POLR2G: variants seen among roughly 807,000 people sequenced by gnomAD.
POLR2G encodes the protein RNA polymerase II subunit G, also known as DNA-directed RNA polymerase II subunit RPB7.
A neutral mutation model predicts 25.7 loss-of-function variants in POLR2G; 19 were observed. The observed-to-expected ratio is 0.74, with a 90% CI of 0.52 to 1.08. POLR2G has a LOEUF of 1.08. Ranked by LOEUF, POLR2G falls within the 50% of genes least tolerant of loss-of-function variation. The pLI is 0.00. For missense variants in POLR2G, 123 were observed against 218.5 expected, an observed-to-expected ratio of 0.56 and a Z score of 2.76; for synonymous variants, 79 against 76.0, an observed-to-expected ratio of 1.04 and a Z score of -0.21.
At chr11:62,763,528 T>G (rs1003131757) in intron 3 of POLR2G, among the ~76,000 whole-genome samples, 8 of 150,222 alleles carry the variant, frequency 5.3e-5, no homozygotes, top group African/African-American at 2.0e-4. Context: ...TCTCCTGACC[T>G]CGTGATCCAC....
intron 2 of POLR2G, chr11:62,762,265 C>CT (rs2134854750): frequency 3.5e-6 from 1 of 283,672 alleles, no homozygotes; most frequent in African/African-American, 2.1e-5. Flanking sequence ...TGCTCTCCCT[C>CT]TGTCATTCTG....
In POLR2G at chr11:62,762,854, A is replaced by G; in HGVS notation, c.123-13A>G. On this transcript the variant is annotated splice_polypyrimidine_tract_variant and intron_variant, in intron 2 of 7. Coordinates refer to ENST00000301788, the MANE Select transcript of POLR2G (RefSeq NM_002696.3). Reference sequence around the variant, plus strand: ...GACACACAGTGTCTTCCTGTTTCTCATCCTCCTTGCAGGTATGGCTTTGTA... The same window carrying G: ...GACACACAGTGTCTTCCTGTTTCTCGTCCTCCTTGCAGGTATGGCTTTGTA... 1 of 1,566,300 alleles carries G rather than the reference A, an allele frequency of 6.4e-7. No homozygotes were observed. Among genetic ancestry groups the G allele is most frequent in the Non-Finnish European group, 8.7e-7 (1 of 1,149,232 alleles).
At position 62,763,026 on chromosome 11, in the gene POLR2G, G is replaced by A. The variant is rs1185701112; in HGVS notation, c.282G>A (p.Lys94=). 3.8e-6 allele frequency: 6 copies of A among 1,589,130 alleles called. No individual in the cohort carries two copies. The highest frequency in any genetic ancestry group is 5.2e-6 in the Non-Finnish European group (6 of 1,162,752). The change falls in exon 3 of 8, where the codon AAG becomes AAA. Residue 94 remains lysine, a splice_region_variant and synonymous_variant. Coordinates refer to ENST00000301788, the MANE Select transcript of POLR2G (RefSeq NM_002696.3). ...ATGCTGTTGTCACTCAGGTCAACAA[G>A]GTGAGACCATACATAGGGGAGGCAG... is the stretch of plus-strand genomic sequence containing the variant. The part of the protein sequence containing the change: ...VVDAVVTQVN[K]VGLFTEIGPM...
intron 2 of POLR2G, chr11:62,762,652 T>C: frequency 1.6e-6 from 1 of 629,630 alleles, no homozygotes; most frequent in Non-Finnish European, 3.0e-6. Flanking sequence ...TCTTGGACAT[T>C]TATTGTGAAA....
At chr11:62,764,181 C>T (rs900584805) in intron 3 of POLR2G, among the ~76,000 whole-genome samples, 1 of 152,020 alleles carries the variant, frequency 6.6e-6, no homozygotes, top group Admixed American at 6.6e-5. Context: ...AAAGCTTAGG[C>T]TGGGCGCGGT....
intron 4 of POLR2G, 48 bp from the exon 5 acceptor site, chr11:62,765,292 T>C (rs779359926): frequency 3.7e-6 from 6 of 1,604,608 alleles, no homozygotes; most frequent in Non-Finnish European, 4.3e-6. Context: ...TCACCATCTA[T>C]TGAAGCATCC....
chr11:62,765,869 G>A (rs1211750591), intron 6 of POLR2G, 145 bp downstream of exon 6: 1 of 614,656 alleles, frequency 1.6e-6, no homozygotes, highest in Non-Finnish European at 2.9e-6. Flanking sequence ...CTCACTGCAA[G>A]CTCTGCCTCC....
At chr11:62,765,482 C>A in intron 5 of POLR2G, 77 bp downstream of exon 5, 1 of 1,266,548 alleles carries the variant, frequency 7.9e-7, no homozygotes, top group Non-Finnish European at 1.2e-6. Flanking sequence ...CTGGGGATGG[C>A]TGAGTACAGA....
chr11:62,762,768 T>C, intron 2 of POLR2G, 99 bp from the exon 3 acceptor site: 2 of 920,522 alleles, frequency 2.2e-6, no homozygotes, highest in East Asian at 2.4e-5. Context: ...CCTTTTGCTC[T>C]CCCCGACCCT....
chr11:62,761,717 G>T, intron 1 of POLR2G, 57 bp downstream of exon 1: 2 of 1,609,280 alleles, frequency 1.2e-6, no homozygotes, highest in South Asian at 1.1e-5. Flanking sequence ...GCAAGGCCAG[G>T]CGCCGGCGCG....
chr11:62,762,629 A>G (rs1026093025), intron 2 of POLR2G: 1 of 608,758 alleles, frequency 1.6e-6, no homozygotes, highest in Non-Finnish European at 3.1e-6. Flanking sequence ...TGTTGCCTCA[A>G]GGACTCCAGC....
At chr11:62,765,316 A>G (rs1268186745) in intron 4 of POLR2G, 24 bp from the exon 5 acceptor site, 1 of 1,607,704 alleles carries the variant, frequency 6.2e-7, no homozygotes, top group African/African-American at 1.3e-5. Flanking sequence ...TAAAGTGCTA[A>G]CCTAGATCTC....
At chr11:62,762,807 C>T in intron 2 of POLR2G, 60 bp from the exon 3 acceptor site, 1 of 1,403,596 alleles carries the variant, frequency 7.1e-7, no homozygotes. Context: ...ACTTTTATTG[C>T]AGATGTCTTT....
intron 2 of POLR2G, chr11:62,762,524 C>T (rs1470542557): frequency 4.6e-6 from 2 of 435,766 alleles, no homozygotes; most frequent in Non-Finnish European, 9.5e-6. Flanking sequence ...GATTCCTGAG[C>T]CTCCTTATTC....
chr11:62,762,284 C>G (rs1388591413), intron 2 of POLR2G: 1 of 273,132 alleles, frequency 3.7e-6, no homozygotes, highest in Non-Finnish European at 7.4e-6. Context: ...TGCTGGTTTT[C>G]TCTTATCCCC....
At chr11:62,762,083 A>G (rs570066630) in intron 2 of POLR2G, 179 bp downstream of exon 2, 7 of 596,580 alleles carry the variant, frequency 1.2e-5, no homozygotes, top group South Asian at 1.2e-4. Flanking sequence ...ATGCTGGACA[A>G]TAAGACTTCC....
At chr11:62,766,332 G>A in intron 7 of POLR2G, 56 bp downstream of exon 7, 1 of 1,556,180 alleles carries the variant, frequency 6.4e-7, no homozygotes, top group Non-Finnish European at 8.9e-7. Flanking sequence ...ATGTGTGGGG[G>A]TGGGGAGTAA....
Position 62,765,008 on chromosome 11 carries a change from G to A in POLR2G, c.283-174G>A, listed in dbSNP as rs536484300. Among the ~76,000 whole-genome samples the A allele has an allele frequency of 3.6e-3, 548 of 152,112 alleles. 2 individuals are homozygous for A. Among genetic ancestry groups the A allele is most frequent in the Non-Finnish European group, 5.9e-3 (399 of 67,990 alleles). ...TGAGTAGCTGGGATTAGAGGTGCAC[G>A]CCACCATGCCCGGCTAATTTTTGTA... On this transcript the variant is annotated intron_variant, in intron 3 of 7. Coordinates refer to ENST00000301788, the MANE Select transcript of POLR2G (RefSeq NM_002696.3).
At position 62,766,583 on chromosome 11, in the gene POLR2G, G is replaced by A; in HGVS notation, c.*76G>A. On this transcript the variant is annotated 3_prime_UTR_variant, in exon 8 of 8. Transcript: ENST00000301788. Reference sequence around the variant, plus strand: ...ACTTATCATGTTGTCCAGAGGTCCAGTCTGGCTGCTGTTGTGGAGGCAAGG... The same window carrying A: ...ACTTATCATGTTGTCCAGAGGTCCAATCTGGCTGCTGTTGTGGAGGCAAGG... The A allele has an allele frequency of 7.0e-7, 1 of 1,427,992 alleles. No individual in the cohort carries two copies. The highest frequency in any genetic ancestry group is 9.9e-7 in the Non-Finnish European group (1 of 1,013,156). 88.5% of individuals were successfully genotyped at this position (1,427,992 alleles called of 1,614,324 possible). A position where few individuals can be genotyped will look rare whatever the true frequency, so the allele number is the denominator to read the frequency against.
Sources: gnomAD v4.1 joint callset for allele counts (sites outside exome capture counted in the v4.1 genomes callset) on GRCh38, gnomAD v4.1.1 for gene constraint, MANE v1.5 for transcripts, NCBI Gene and HGNC (gene_info 2026-07-23, HGNC 2026-07-21) for gene names.